The following ISG20 variants were observed in gnomAD, a reference collection of about 807,000 sequenced individuals.
ISG20 encodes the protein interferon-stimulated gene 20 kDa protein.
ISG20 carries 8 observed loss-of-function variants against 11.1 expected under a neutral mutation model. The observed-to-expected ratio is 0.72, with a 90% CI of 0.42 to 1.30. The LOEUF is 1.30. ISG20 is among the 50% of genes most tolerant of loss of function. The pLI is 0.01. For synonymous variants in ISG20, 110 were observed against 101.7 expected (o/e 1.08, Z -0.49); for missense variants, 243 against 250.2 (o/e 0.97, Z 0.19).
rs1567115789 is a variant in ISG20 at position 88,643,066 on chromosome 15, A to T, written c.228+3472A>T. On this transcript the variant is annotated intron_variant, in intron 2 of 3. Coordinates refer to ENST00000306072, the MANE Select transcript of ISG20 (RefSeq NM_002201.6). The surrounding 1 kb of genome is among the most constrained non-coding windows in gnomAD (Gnocchi z 4.4). ...TGGTGAGATCTCCTCTACAAAAAAA[A>T]TAAATAAATAAAATAAAAATTAGCC... Among the ~76,000 whole-genome samples the T allele has an allele frequency of 2.6e-5, 4 of 151,958 alleles. No individual in the cohort carries two copies. The highest frequency in any genetic ancestry group is 9.7e-5 in the African/African-American group (4 of 41,390).
rs759592098 is a variant in ISG20 at position 88,650,341 on chromosome 15, G to A, written c.229-1769G>A. 6.0e-5 allele frequency: 92 copies of A among 1,535,154 alleles called. No homozygotes were observed. The highest frequency in any genetic ancestry group is 7.8e-5 in the Non-Finnish European group (89 of 1,146,730). ...ATGTGGGAGGCGAGGCGAGGAACGC[G>A]GGGCTGGGGCAGTCACAGCTGGGCG... is the stretch of plus-strand genomic sequence containing the variant. On this transcript the variant is annotated intron_variant, in intron 2 of 3. Coordinates refer to ENST00000306072, the MANE Select transcript of ISG20 (RefSeq NM_002201.6). This position sits in a 1 kb window ranked among gnomAD's most constrained non-coding sequence, Gnocchi z 4.0.
At chr15:88,638,810 T>C (rs149952950), upstream of ISG20, 559 of 156,930 alleles carry the variant, frequency 3.6e-3, 3 homozygotes, top group African/African-American at 0.012. Flanking sequence ...AGGGGCACCC[T>C]GACATGGAGC....
At chr15:88,646,426 C>T (rs1263260389) in intron 2 of ISG20, among the ~76,000 whole-genome samples, 1 of 152,196 alleles carries the variant, frequency 6.6e-6, no homozygotes, top group African/African-American at 2.4e-5. Context: ...AGATCCCATG[C>T]TCAGTGTGTG....
upstream of ISG20, chr15:88,637,244 C>T (rs565021436): frequency 6.6e-6 from 1 of 151,808 alleles, no homozygotes; most frequent in African/African-American, 2.4e-5. Flanking sequence ...AAAGAAAGGC[C>T]TTAAATTGGA....
At chr15:88,645,098 G>A (rs1198942789) in intron 2 of ISG20, among the ~76,000 whole-genome samples, 4 of 152,184 alleles carry the variant, frequency 2.6e-5, no homozygotes, top group Non-Finnish European at 1.5e-5. Context: ...GCACTTGATA[G>A]CCACTGAACG....
At chr15:88,641,926 CTTTTTTTTTTTTT>C (rs140178121) in intron 2 of ISG20, among the ~76,000 whole-genome samples, 8 of 102,842 alleles carry the variant, frequency 7.8e-5, no homozygotes, top group African/African-American at 1.1e-4. Context: ...TTAGCTTCCT[CTTTTTTTTTTTTT>C]TTTTTTTTTT....
At chr15:88,638,775 AGGAGG>A (rs1266534990), upstream of ISG20, 1 of 155,462 alleles carries the variant, frequency 6.4e-6, no homozygotes. Flanking sequence ...GCGTCATCTG[AGGAGG>A]GGGAGGGCCG....
intron 2 of ISG20, among the ~76,000 whole-genome samples, chr15:88,640,246 C>T (rs148501693): frequency 4.9e-4 from 74 of 152,298 alleles, no homozygotes; most frequent in East Asian, 3.7e-3. Flanking sequence ...CAGGCGAGCT[C>T]GTCAGTTTCT....
intron 2 of ISG20, among the ~76,000 whole-genome samples, chr15:88,641,324 GA>G (rs2058077097): frequency 6.6e-6 from 1 of 152,114 alleles, no homozygotes; most frequent in Admixed American, 6.6e-5. Flanking sequence ...CCATATTACA[GA>G]TGAGGAAACT....
rs185546762 is a variant in ISG20, at chr15:88,639,086, G to A, written c.-25+10G>A. The A allele has an allele frequency of 3.7e-5, 20 of 535,660 alleles. No homozygotes were observed. The highest frequency in any genetic ancestry group is 2.5e-4 in the East Asian group (8 of 31,806). The allele number at this position is 535,660 out of a possible 1,614,324, so 33.2% of individuals were successfully genotyped here. On this transcript the variant is annotated intron_variant, in intron 1 of 3. Transcript: ENST00000306072. This position sits in a 1 kb window ranked among gnomAD's most constrained non-coding sequence, Gnocchi z 4.2. ...GCGCAGAGGCAGGCAGGTGAGAGCG[G>A]GAGCTGGAGCAGCAGCTGGGGAGGC...
At chr15:88,641,901 A>G (rs961965620) in intron 2 of ISG20, among the ~76,000 whole-genome samples, 4 of 143,380 alleles carry the variant, frequency 2.8e-5, no homozygotes, top group African/African-American at 1.0e-4. Context: ...GACAGGCATG[A>G]GCCACTGCAC....
rs149381576 is a variant in ISG20, at chr15:88,652,261, G to T, written c.380G>T (p.Arg127Leu). ...WREAKLDHCR[R>L]VSLRVLSERL... ...GAGGCCAAGCTGGACCACTGCAGGCGTGTCTCCCTGCGGGTGCTGAGTGAG... is the reference window on the plus strand; with the variant it reads ...GAGGCCAAGCTGGACCACTGCAGGCTTGTCTCCCTGCGGGTGCTGAGTGAG... Residue 127 changes from arginine (R) to leucine (L), a missense_variant, in exon 3 of 4, where the codon CGT becomes CTT. Coordinates refer to ENST00000306072, the MANE Select transcript of ISG20 (RefSeq NM_002201.6). 1.2e-6 allele frequency: 2 copies of T among 1,613,580 alleles called. No homozygotes were observed. Among genetic ancestry groups the T allele is most frequent in the Admixed American group, 3.3e-5 (2 of 59,982 alleles).
Position 88,639,664 on chromosome 15 carries a change from T to C in ISG20, c.228+70T>C. On this transcript the variant is annotated intron_variant, in intron 2 of 3. Transcript: ENST00000306072. The surrounding 1 kb of genome is among the most constrained non-coding windows in gnomAD (Gnocchi z 4.2). ...TCCCACTTCCCTGGCCCCTCTTCCC[T>C]GGTGCCCATCTGTGACCTGTGACCC... The C allele has an allele frequency of 7.9e-7, 1 of 1,259,026 alleles. No individual in the cohort carries two copies. The highest frequency in any genetic ancestry group is 1.1e-6 in the Non-Finnish European group (1 of 876,648). The allele number at this position is 1,259,026 out of a possible 1,614,324, so 78.0% of individuals were successfully genotyped here.
chr15:88,654,714 A>C (rs2141409386), intron 3 of ISG20, among the ~76,000 whole-genome samples: 1 of 152,348 alleles, frequency 6.6e-6, no homozygotes, highest in East Asian at 1.9e-4. Flanking sequence ...AAATGGGGGA[A>C]TAATCATATC....
intron 2 of ISG20, chr15:88,651,867 C>T (rs2058279755): frequency 1.5e-6 from 2 of 1,374,390 alleles, no homozygotes; most frequent in Non-Finnish European, 1.9e-6. Context: ...ACCATTGCTC[C>T]TACACAGTTC....
chr15:88,650,319 T>C lies in ISG20; in HGVS notation c.229-1791T>C, dbSNP rs2058252429. 16 of 1,535,560 alleles carry C rather than the reference T, an allele frequency of 1.0e-5. No homozygotes were observed. The highest frequency in any genetic ancestry group is 1.3e-5 in the Non-Finnish European group (15 of 1,146,828). ...ACCAGAGCAGGGCAGGCTGTCCATG[T>C]GGGAGGCGAGGCGAGGAACGCGGGG... On this transcript the variant is annotated intron_variant, in intron 2 of 3. Coordinates refer to ENST00000306072, the MANE Select transcript of ISG20 (RefSeq NM_002201.6). The surrounding 1 kb of genome is among the most constrained non-coding windows in gnomAD (Gnocchi z 4.0).
In ISG20 at chr15:88,650,282, C is replaced by T; in HGVS notation, c.229-1828C>T. The T allele has an allele frequency of 2.0e-6, 3 of 1,535,692 alleles. No homozygotes were observed. The highest frequency in any genetic ancestry group is 2.6e-6 in the Non-Finnish European group (3 of 1,146,900). ...CGGCAGCTGAGTGAAAGCAAGCTGA[C>T]TGGCCTGTGTGACCAGAGCAGGGCA... On this transcript the variant is annotated intron_variant, in intron 2 of 3. Coordinates refer to ENST00000306072, the MANE Select transcript of ISG20 (RefSeq NM_002201.6). This position sits in a 1 kb window ranked among gnomAD's most constrained non-coding sequence, Gnocchi z 4.0.
intron 2 of ISG20, among the ~76,000 whole-genome samples, chr15:88,646,445 C>A (rs939267661): frequency 2.0e-5 from 3 of 152,152 alleles, no homozygotes; most frequent in Admixed American, 2.0e-4. Context: ...TGTGAATGCA[C>A]TCTATAAATG....
chr15:88,651,193 G>A (rs775688717), intron 2 of ISG20: 1 of 985,396 alleles, frequency 1.0e-6, no homozygotes, highest in Non-Finnish European at 1.2e-6. Context: ...TTGCAAACTT[G>A]TTTTAAAATC....
Sources: gnomAD v4.1 joint callset for allele counts (sites outside exome capture counted in the v4.1 genomes callset) on GRCh38, gnomAD v4.1.1 for gene constraint, Gnocchi (gnomAD v3.1) non-coding constraint, MANE v1.5 for transcripts, NCBI Gene and HGNC (gene_info 2026-07-23, HGNC 2026-07-21) for gene names.